Variants in KLF12 observed in about 807,000 individuals in gnomAD.
KLF12 encodes the protein Krueppel-like factor 12.
KLF12 carries 9 observed loss-of-function variants against 37.8 expected under a neutral mutation model. That is an observed-to-expected ratio of 0.24 (90% CI 0.14 to 0.42). KLF12 has a LOEUF of 0.42. Ranked by LOEUF, KLF12 falls within the 10% of genes least tolerant of loss-of-function variation. The pLI, the probability that KLF12 is intolerant of heterozygous loss-of-function variation, is 1.00. For synonymous variants in KLF12, 208 were observed against 202.1 expected, an observed-to-expected ratio of 1.03 and a Z score of -0.25; for missense variants, 411 against 516.0, an observed-to-expected ratio of 0.80 and a Z score of 1.97.
At chr13:74,113,847 G>A (rs1243996101) in intron 1 of KLF12, among the ~76,000 whole-genome samples, 2 of 152,154 alleles carry the variant, frequency 1.3e-5, no homozygotes, top group Non-Finnish European at 2.9e-5. Context: ...AAACCTTCTG[G>A]AACTGATTCA....
chr13:74,061,302 G>A (rs1873578600), intron 1 of KLF12, among the ~76,000 whole-genome samples: 1 of 152,146 alleles, frequency 6.6e-6, no homozygotes, highest in African/African-American at 2.4e-5. Flanking sequence ...GAGGAACTAG[G>A]TTTCAAACAC....
chr13:74,214,264 C>A, the KLF12 span, among the ~76,000 whole-genome samples: 1 of 152,126 alleles, frequency 6.6e-6, no homozygotes, highest in Non-Finnish European at 1.5e-5. Flanking sequence ...ACCCCTAGCC[C>A]TTGGAAACAT....
intron 1 of KLF12, among the ~76,000 whole-genome samples, chr13:74,131,960 T>C (rs922521937): frequency 6.6e-6 from 1 of 152,180 alleles, no homozygotes; most frequent in Non-Finnish European, 1.5e-5. Context: ...CTTACCCAAC[T>C]GAAACGTCTG....
intron 1 of KLF12, among the ~76,000 whole-genome samples, chr13:74,100,317 T>TA (rs1053504964): frequency 7.2e-5 from 11 of 152,092 alleles, no homozygotes; most frequent in Non-Finnish European, 1.6e-4. Flanking sequence ...CTTCCAGTTT[T>TA]AAAAAATATA....
chr13:74,051,343 C>T lies in KLF12; in HGVS notation c.-31-56290G>A, dbSNP rs1872913600. On this transcript the variant is annotated intron_variant, in intron 1 of 7. Transcript: ENST00000377669. ...GTGTGTGTATACATACACACACAAA[C>T]ACACACACACACACACACACACACA... Among the ~76,000 whole-genome samples, 4 of 125,864 alleles carry T rather than the reference C, an allele frequency of 3.2e-5. No homozygotes were observed. The East Asian group carries it at 8.9e-4, about 28-fold the overall frequency. The allele number at this position is 125,864 out of a possible 152,430, so 82.6% of individuals were successfully genotyped here. A position where few individuals can be genotyped will look rare whatever the true frequency, so the allele number is the denominator to read the frequency against.
chr13:74,193,072 G>A, the KLF12 span, among the ~76,000 whole-genome samples: 4 of 149,076 alleles, frequency 2.7e-5, no homozygotes, highest in Admixed American at 6.7e-5. Flanking sequence ...TGCGGTTCCC[G>A]GGTTCAAGAA....
intron 1 of KLF12, among the ~76,000 whole-genome samples, chr13:74,062,656 T>A (rs1254141572): frequency 1.3e-5 from 2 of 152,344 alleles, no homozygotes; most frequent in East Asian, 3.9e-4. Flanking sequence ...ATATTCAATT[T>A]GTCTTCAATA....
chr13:74,204,240 G>A, the KLF12 span, among the ~76,000 whole-genome samples: 4 of 152,160 alleles, frequency 2.6e-5, no homozygotes, highest in African/African-American at 4.8e-5. Context: ...TGGAAATAAT[G>A]TGTGCAAAGT....
chr13:74,119,272 C>T (rs1283942145), intron 1 of KLF12, among the ~76,000 whole-genome samples: 2 of 151,666 alleles, frequency 1.3e-5, no homozygotes, highest in African/African-American at 4.8e-5. Context: ...GCGGAGGCTG[C>T]AGTGAGCCAA....
At chr13:73,708,989 T>G (rs1422403512) in intron 7 of KLF12, among the ~76,000 whole-genome samples, 2 of 152,194 alleles carry the variant, frequency 1.3e-5, no homozygotes, top group Non-Finnish European at 2.9e-5. Context: ...CTGAGATATA[T>G]TTTTTCCTTT....
intron 3 of KLF12, among the ~76,000 whole-genome samples, chr13:73,881,860 A>G (rs1886998385): frequency 6.6e-6 from 1 of 152,150 alleles, no homozygotes; most frequent in South Asian, 2.1e-4. Context: ...TTTTACTTAG[A>G]GTGTTAATGG....
the KLF12 span, among the ~76,000 whole-genome samples, chr13:74,275,886 T>TTTCTTTCTTTC: frequency 1.0e-5 from 1 of 99,398 alleles, no homozygotes; most frequent in Non-Finnish European, 1.9e-5. Flanking sequence ...TTCTTCTTTC[T>TTTCTTTCTTTC]TTCTTTCTTT....
chr13:74,025,117 T>C (rs890427782), intron 1 of KLF12, among the ~76,000 whole-genome samples: 11 of 152,208 alleles, frequency 7.2e-5, no homozygotes, highest in African/African-American at 2.7e-4. Flanking sequence ...AAATTTAAAG[T>C]GTCTTAGAAG....
intron 6 of KLF12, among the ~76,000 whole-genome samples, chr13:73,736,422 C>T (rs1160730530): frequency 6.6e-6 from 1 of 152,144 alleles, no homozygotes; most frequent in Non-Finnish European, 1.5e-5. Flanking sequence ...CCTATATAAA[C>T]TATAGTATTT....
the KLF12 span, among the ~76,000 whole-genome samples, chr13:74,153,511 G>A: frequency 1.3e-5 from 2 of 152,134 alleles, no homozygotes; most frequent in Non-Finnish European, 2.9e-5. Context: ...TCCTCCAGCT[G>A]TCATGCTTTT....
At chr13:74,010,636 A>T (rs1435976904) in intron 1 of KLF12, among the ~76,000 whole-genome samples, 1 of 152,154 alleles carries the variant, frequency 6.6e-6, no homozygotes, top group Non-Finnish European at 1.5e-5. Flanking sequence ...TTTCTTATTT[A>T]TAAGTACTAT....
chr13:73,749,459 A>C (rs1878595417), intron 6 of KLF12, among the ~76,000 whole-genome samples: 1 of 152,180 alleles, frequency 6.6e-6, no homozygotes, highest in African/African-American at 2.4e-5. Flanking sequence ...AAAAGCCAAC[A>C]AATTAGCACA....
intron 3 of KLF12, among the ~76,000 whole-genome samples, chr13:73,893,959 G>A (rs1272861862): frequency 2.0e-5 from 3 of 152,084 alleles, no homozygotes; most frequent in African/African-American, 4.8e-5. Flanking sequence ...CAGAATTCAG[G>A]GCTGGCTCCA....
intron 1 of KLF12, among the ~76,000 whole-genome samples, chr13:74,094,746 C>A (rs1354577341): frequency 2.0e-5 from 3 of 152,010 alleles, no homozygotes; most frequent in Non-Finnish European, 4.4e-5. Context: ...ACTACAGGTG[C>A]CCACCACCAC....
Sources: gnomAD v4.1 joint callset for allele counts (sites outside exome capture counted in the v4.1 genomes callset) on GRCh38, gnomAD v4.1.1 for gene constraint, MANE v1.5 for transcripts, NCBI Gene and HGNC (gene_info 2026-07-23, HGNC 2026-07-21) for gene names.